HRH2: variants seen among roughly 807,000 people sequenced by gnomAD.
The protein encoded by HRH2 is histamine receptor H2.
In HRH2, 4 loss-of-function variants were observed where a neutral mutation model predicts 20.1. The observed-to-expected ratio is 0.20, with a 90% CI of 0.10 to 0.45. HRH2 has a LOEUF of 0.45. HRH2 is among the 20% of genes least tolerant of loss of function. The pLI, the probability that HRH2 is intolerant of heterozygous loss-of-function variation, is 0.99. For missense variants in HRH2, 250 were observed against 461.6 expected, an observed-to-expected ratio of 0.54 and a Z score of 4.20; for synonymous variants, 197 against 200.7, an observed-to-expected ratio of 0.98 and a Z score of 0.16.
Position 175,687,984 on chromosome 5 carries a change from G to A in HRH2, c.1076+3675G>A, listed in dbSNP as rs1756230085. On this transcript the variant is annotated intron_variant, in intron 2 of 2. Coordinates refer to ENST00000636584, the MANE Select transcript of HRH2 (RefSeq NM_001367711.1). The surrounding 1 kb of genome is among the most constrained non-coding windows in gnomAD (Gnocchi z 5.2). ...TTAGCAGGGCTGGTTCCTTCTGAAG[G>A]CTTCCAGAGAGCCTCCCTTTCCTTT... Among the ~76,000 whole-genome samples, 2 of 152,156 alleles carry A rather than the reference G, an allele frequency of 1.3e-5. No individual in the cohort carries two copies. Among genetic ancestry groups the A allele is most frequent in the Admixed American group, 6.5e-5 (1 of 15,276 alleles).
intron 1 of HRH2, among the ~76,000 whole-genome samples, chr5:175,676,621 T>C (rs1755770322): frequency 6.6e-6 from 1 of 152,254 alleles, no homozygotes; most frequent in Non-Finnish European, 1.5e-5. Context: ...ATTTATAGAG[T>C]ACAAGTGCAA....
chr5:175,703,962 G>A (rs1295800035), intron 2 of HRH2: 1 of 152,106 alleles, frequency 6.6e-6, no homozygotes. Context: ...CATGGCTCCT[G>A]TGCAAGTATG....
At chr5:175,685,748 G>A (rs754244913) in intron 2 of HRH2, 16 of 552,756 alleles carry the variant, frequency 2.9e-5, no homozygotes, top group Admixed American at 9.8e-5. Context: ...TCACATGAGC[G>A]AAGGGACATG....
chr5:175,685,706 C>G (rs1756148887), intron 2 of HRH2: 3 of 592,554 alleles, frequency 5.1e-6, no homozygotes, highest in Non-Finnish European at 9.1e-6. Context: ...CCTCACCGGG[C>G]TTCCTACTTG....
At chr5:175,664,485 G>A (rs1762828027) in intron 1 of HRH2, among the ~76,000 whole-genome samples, 1 of 152,212 alleles carries the variant, frequency 6.6e-6, no homozygotes, top group Non-Finnish European at 1.5e-5. Flanking sequence ...AGGAAACAGA[G>A]CTGCAAAATG....
At chr5:175,707,093 T>C (rs1276682577) in intron 2 of HRH2, among the ~76,000 whole-genome samples, 1 of 152,194 alleles carries the variant, frequency 6.6e-6, no homozygotes, top group African/African-American at 2.4e-5. Context: ...TGCTTACTTT[T>C]ATATGTATTC....
intron 2 of HRH2, among the ~76,000 whole-genome samples, chr5:175,702,271 GA>G (rs1330008807): frequency 2.6e-5 from 4 of 151,404 alleles, no homozygotes; most frequent in African/African-American, 9.7e-5. Flanking sequence ...GGAAAATTTA[GA>G]AAAAAATGGG....
Position 175,708,149 on chromosome 5 carries a change from G to C in HRH2, c.*178G>C. ...CCTAGGGCGGAACAGCCTATTCTGT[G>C]CTCAGCATTCCCAGACAGGCACGCA... On this transcript the variant is annotated 3_prime_UTR_variant, in exon 3 of 3. Transcript: ENST00000636584. 1 of 394,274 alleles carries C rather than the reference G, an allele frequency of 2.5e-6. No individual in the cohort carries two copies. 24.4% of individuals were successfully genotyped at this position (394,274 alleles called of 1,614,324 possible). A position where few individuals can be genotyped will look rare whatever the true frequency, so the allele number is the denominator to read the frequency against.
In HRH2 at chr5:175,693,084, A is replaced by AG. The variant is rs1307291899; in HGVS notation, c.1076+8776dup. On this transcript the variant is annotated intron_variant, in intron 2 of 2. Transcript: ENST00000636584. This position sits in a 1 kb window ranked among gnomAD's most constrained non-coding sequence, Gnocchi z 4.4. ...CCACAGATTGGCTGTGTGAGCTTGG[A>AG]GAGATCGCATCCCTCTCTGAGTCCC... 6.6e-6 allele frequency among the ~76,000 whole-genome samples: 1 copy of AG among 152,134 alleles called. No homozygotes were observed. Among genetic ancestry groups the AG allele is most frequent in the Admixed American group, 6.5e-5 (1 of 15,278 alleles).
chr5:175,702,104 A>AAG (rs774431199), intron 2 of HRH2, among the ~76,000 whole-genome samples: 173 of 152,290 alleles, frequency 1.1e-3, no homozygotes, highest in Admixed American at 2.3e-3. Flanking sequence ...GGGGGCAAGT[A>AAG]AGAGAGAGAG....
At position 175,683,473 on chromosome 5, in the gene HRH2, G is replaced by A. The variant is rs766921842; in HGVS notation, c.240G>A (p.Leu80=). ...LVLPFSAIYQ[L]SCKWSFGKVF... is the part of the protein sequence containing the mutation. ...TGCCCTTCTCTGCCATCTACCAGCT[G>A]TCCTGCAAGTGGAGCTTTGGCAAGG... The change falls in exon 2 of 3, where the codon CTG becomes CTA. Residue 80 remains leucine, a synonymous_variant. Transcript: ENST00000636584. The A allele has an allele frequency of 1.2e-6, 2 of 1,614,188 alleles. No homozygotes were observed. The highest frequency in any genetic ancestry group is 2.2e-5 in the South Asian group (2 of 91,084).
In HRH2 at chr5:175,683,951, A is replaced by G; in HGVS notation, c.718A>G (p.Met240Val). 1 of 1,614,180 alleles carries G rather than the reference A, an allele frequency of 6.2e-7. No homozygotes were observed. The highest frequency in any genetic ancestry group is 8.5e-7 in the Non-Finnish European group (1 of 1,180,038). The change falls in exon 2 of 3, where the codon ATG becomes GTG. Residue 240 changes from methionine (M) to valine (V), a missense_variant. Physicochemically the swap from Met to Val is conservative, Grantham distance 21. This residue lies in a region of HRH2 where 58 missense variants were observed against 166.8 expected (regional missense o/e 0.35). Transcript: ENST00000636584. ...HKATVTLAAV[M>V]GAFIICWFPY... ...AGCCACAGTGACACTGGCCGCCGTC[A>G]TGGGGGCCTTCATCATCTGCTGGTT...
rs1756937333 is a variant in HRH2 at position 175,706,163 on chromosome 5, G to C, written c.1077-1616G>C. On this transcript the variant is annotated intron_variant, in intron 2 of 2. Coordinates refer to ENST00000636584, the MANE Select transcript of HRH2 (RefSeq NM_001367711.1). ...GTTTAGGGATACAGAAATATTTGCT[G>C]AAAGAAATCAGGGGCTGGAAAAGTT... 2.0e-5 allele frequency among the ~76,000 whole-genome samples: 3 copies of C among 152,194 alleles called. No individual in the cohort carries two copies. In the South Asian group the frequency reaches 6.2e-4, roughly 32 times the overall value.
rs1756999447 is a variant in HRH2 at position 175,707,989 on chromosome 5, T to C, written c.*18T>C. Reference sequence around the variant, plus strand: ...CTGTCTAGACCTAGCCCCAGGACACTGAAGATACCGCTCCCGGTCCCCAAG... The same window carrying C: ...CTGTCTAGACCTAGCCCCAGGACACCGAAGATACCGCTCCCGGTCCCCAAG... On this transcript the variant is annotated 3_prime_UTR_variant, in exon 3 of 3. Transcript: ENST00000636584. The C allele has an allele frequency of 2.5e-6, 1 of 399,124 alleles. No individual in the cohort carries two copies. Among genetic ancestry groups the C allele is most frequent in the Non-Finnish European group, 4.4e-6 (1 of 226,146 alleles). The allele number at this position is 399,124 out of a possible 1,614,324, so 24.7% of individuals were successfully genotyped here.
Position 175,683,475 on chromosome 5 carries a change from C to T in HRH2, c.242C>T (p.Ser81Phe), listed in dbSNP as rs1444721963. Residue 81 changes from serine (S) to phenylalanine (F), a missense_variant, in exon 2 of 3, where the codon TCC becomes TTC. Ser to Phe is a radical substitution (Grantham distance 155). Transcript: ENST00000636584. ...CCCTTCTCTGCCATCTACCAGCTGTCCTGCAAGTGGAGCTTTGGCAAGGTC... is the reference window on the plus strand; with the variant it reads ...CCCTTCTCTGCCATCTACCAGCTGTTCTGCAAGTGGAGCTTTGGCAAGGTC... ...VLPFSAIYQL[S>F]CKWSFGKVFC... 6.2e-7 allele frequency: 1 copy of T among 1,614,218 alleles called. No homozygotes were observed. Among genetic ancestry groups the T allele is most frequent in the Non-Finnish European group, 8.5e-7 (1 of 1,180,042 alleles).
In HRH2 at chr5:175,683,275, T is replaced by C. The variant is rs1756054052; in HGVS notation, c.42T>C (p.Ser14=). The change falls in exon 2 of 3, where the codon TCT becomes TCC. Residue 14 remains serine (S), a synonymous_variant. Transcript: ENST00000636584. Reference sequence around the variant, plus strand: ...CAGCCTCTTCCTTTTGCCTGGACTCTACCGCATGCAAGATCACCATCACCG... The same window carrying C: ...CAGCCTCTTCCTTTTGCCTGGACTCCACCGCATGCAAGATCACCATCACCG... The part of the protein sequence containing the change: ...NGTASSFCLD[S]TACKITITVV... 1.5e-5 allele frequency: 25 copies of C among 1,614,022 alleles called. No individual in the cohort carries two copies. The highest frequency in any genetic ancestry group is 2.1e-5 in the Non-Finnish European group (25 of 1,180,032).
At position 175,683,091 on chromosome 5, in the gene HRH2, CAA is replaced by C. The variant is rs35616765; in HGVS notation, c.-123_-122del. 12,984 of 573,224 alleles carry C rather than the reference CAA, an allele frequency of 0.023. No individual in the cohort carries two copies. The highest frequency in any genetic ancestry group is 0.03 in the Middle Eastern group (57 of 1,888). 35.5% of individuals were successfully genotyped at this position (573,224 alleles called of 1,614,324 possible). ...ATTGAAGCCTTCCCCACCCCCTGGC[CAA>C]AAAAAAAAAAAAAAAAAAACTGGAC... is the stretch of plus-strand genomic sequence containing the variant. On this transcript the variant is annotated 5_prime_UTR_variant, in exon 2 of 3. Coordinates refer to ENST00000636584, the MANE Select transcript of HRH2 (RefSeq NM_001367711.1).
At chr5:175,684,622 G>C (rs1276749309) in intron 2 of HRH2, among the ~76,000 whole-genome samples, 3 of 152,172 alleles carry the variant, frequency 2.0e-5, no homozygotes, top group African/African-American at 4.8e-5. Context: ...CTTACAATTA[G>C]AAGTCTTATG....
At chr5:175,658,635 G>C (rs1345506170) in intron 1 of HRH2, among the ~76,000 whole-genome samples, 1 of 152,182 alleles carries the variant, frequency 6.6e-6, no homozygotes, top group Admixed American at 6.5e-5. Context: ...GAGAGCGGGG[G>C]CTGCTGGGGA....
Sources: allele counts gnomAD v4.1 joint callset (sites outside exome capture counted in the v4.1 genomes callset), GRCh38; gene constraint gnomAD v4.1.1; regional missense constraint gnomAD v4.1.1; non-coding constraint Gnocchi (gnomAD v3.1); transcripts MANE v1.5; gene names NCBI Gene and HGNC (gene_info 2026-07-23, HGNC 2026-07-21).